RGCC: variants seen among roughly 807,000 people sequenced by gnomAD.
RGCC encodes regulator of cell cycle RGCC.
RGCC carries 15 observed loss-of-function variants against 15.4 expected under a neutral mutation model. The ratio of observed to expected loss-of-function variants is 0.97; its 90% CI spans 0.65 to 1.50. RGCC has a LOEUF of 1.50. Ranked by LOEUF, RGCC falls within the 40% of genes most tolerant of loss-of-function variation. The probability of loss-of-function intolerance (pLI) is 0.00; values close to 1 mark genes in which losing one functional copy is unlikely to be tolerated. For missense variants in RGCC, 176 were observed against 189.7 expected (o/e 0.93, Z 0.42); for synonymous variants, 81 against 78.0 (o/e 1.04, Z -0.20).
intron 2 of RGCC, among the ~76,000 whole-genome samples, chr13:41,464,759 A>G (rs2043839327): frequency 6.6e-6 from 1 of 152,150 alleles, no homozygotes. Context: ...TATCAGGTCC[A>G]GGATTTTGGA....
chr13:41,469,947 G>T (rs1441259686), intron 4 of RGCC, among the ~76,000 whole-genome samples: 1 of 152,186 alleles, frequency 6.6e-6, no homozygotes, highest in Non-Finnish European at 1.5e-5. Context: ...GGGGGGTCCT[G>T]TTTAGTCACA....
chr13:41,469,295 TAAGAAGAAGAAG>T (rs370476569), intron 4 of RGCC, among the ~76,000 whole-genome samples: 2,232 of 86,650 alleles, frequency 0.026, 38 homozygotes, highest in East Asian at 0.058. Context: ...ATAATAATAA[TAAGAAGAAGAAG>T]AAGAAGAAGA....
chr13:41,466,170 C>A (rs966464149), intron 2 of RGCC, among the ~76,000 whole-genome samples: 7 of 118,326 alleles, frequency 5.9e-5, no homozygotes, highest in Admixed American at 1.7e-4. Context: ...CACACTCTCA[C>A]ACACTTTCTC....
intron 4 of RGCC, 93 bp downstream of exon 4, chr13:41,468,931 C>A: frequency 1.0e-6 from 1 of 960,300 alleles, no homozygotes; most frequent in Non-Finnish European, 1.6e-6. Flanking sequence ...TGCCCTGGGG[C>A]AGAAAGTTTC....
At chr13:41,459,638 A>G (rs902183264) in intron 2 of RGCC, among the ~76,000 whole-genome samples, 1 of 152,238 alleles carries the variant, frequency 6.6e-6, no homozygotes, top group Admixed American at 6.5e-5. Flanking sequence ...ACCAAGCTGC[A>G]GCTTTTGAGG....
chr13:41,459,701 T>G (rs1029042738), intron 2 of RGCC, among the ~76,000 whole-genome samples: 1 of 152,258 alleles, frequency 6.6e-6, no homozygotes, highest in African/African-American at 2.4e-5. Context: ...ATTTTTGGAC[T>G]TTGTTCTTAA....
At chr13:41,465,949 C>T (rs1001372324) in intron 2 of RGCC, among the ~76,000 whole-genome samples, 9 of 151,974 alleles carry the variant, frequency 5.9e-5, no homozygotes, top group African/African-American at 2.2e-4. Flanking sequence ...ATTCCTTTTG[C>T]CTAAAATCCT....
At chr13:41,462,242 CT>C (rs779335694) in intron 2 of RGCC, among the ~76,000 whole-genome samples, 14 of 152,134 alleles carry the variant, frequency 9.2e-5, no homozygotes, top group Non-Finnish European at 1.3e-4. Flanking sequence ...TTACTTCCCC[CT>C]GGAGCAGCAC....
In RGCC at chr13:41,457,655, T is replaced by G; in HGVS notation, c.-53T>G. ...CAGCAAGCCCCCGAATAGCCCCGGCTGCCACCTCGCAGGACCCAAGGCCAC... is the reference window on the plus strand; with the variant it reads ...CAGCAAGCCCCCGAATAGCCCCGGCGGCCACCTCGCAGGACCCAAGGCCAC... On this transcript the variant is annotated 5_prime_UTR_variant, in exon 1 of 5. Transcript: ENST00000379359. The surrounding 1 kb of genome is among the most constrained non-coding windows in gnomAD (Gnocchi z 4.9). The G allele has an allele frequency of 6.7e-7, 1 of 1,502,836 alleles. No individual in the cohort carries two copies. The highest frequency in any genetic ancestry group is 2.9e-5 in the East Asian group (1 of 34,306). 93.1% of individuals were successfully genotyped at this position (1,502,836 alleles called of 1,614,324 possible).
In RGCC at chr13:41,457,862, C is replaced by T. The variant is rs995205212; in HGVS notation, c.49+106C>T. 13 of 1,329,872 alleles carry T rather than the reference C, an allele frequency of 9.8e-6. No individual in the cohort carries two copies. The African/African-American group carries it at 1.4e-4, about 14-fold the overall frequency. 82.4% of individuals were successfully genotyped at this position (1,329,872 alleles called of 1,614,324 possible). ...TTCACACCCCCCACCCTTCCATCCT[C>T]CCCGGCGGGAACCTGTCCCCGGTCT... is the stretch of plus-strand genomic sequence containing the variant. On this transcript the variant is annotated intron_variant, in intron 1 of 4. Coordinates refer to ENST00000379359, the MANE Select transcript of RGCC (RefSeq NM_014059.3). The surrounding 1 kb of genome is among the most constrained non-coding windows in gnomAD (Gnocchi z 4.9).
chr13:41,461,270 G>A (rs2043819921), intron 2 of RGCC, among the ~76,000 whole-genome samples: 1 of 152,140 alleles, frequency 6.6e-6, no homozygotes, highest in Non-Finnish European at 1.5e-5. Context: ...TAGTGGGAGT[G>A]ATTTTAACTT....
At position 41,466,926 on chromosome 13, in the gene RGCC, G is replaced by A; in HGVS notation, c.339G>A (p.Gln113=). The part of the protein sequence containing the change: ...PALLSATVTP[Q]KAKLGDTKEL... The stretch of plus-strand genomic sequence containing the variant: ...TTCTCTCTGCCACTGTCACTCCTCA[G>A]AAAGGTAAGGTCATTAGTTGGAATT... Residue 113 remains glutamine, a synonymous_variant, in exon 3 of 5, where the codon CAG becomes CAA. Transcript: ENST00000379359. The A allele has an allele frequency of 6.2e-7, 1 of 1,608,816 alleles. No individual in the cohort carries two copies. Among genetic ancestry groups the A allele is most frequent in the Non-Finnish European group, 8.5e-7 (1 of 1,175,244 alleles).
rs554173153 is a variant in RGCC, at chr13:41,457,715, C to A, written c.8C>A (p.Pro3Gln). Residue 3 changes from proline (P) to glutamine (Q), a missense_variant, in exon 1 of 5, where the codon CCG becomes CAG. Physicochemically the swap from Pro to Gln is moderately conservative, Grantham distance 76. Transcript: ENST00000379359. This position sits in a 1 kb window ranked among gnomAD's most constrained non-coding sequence, Gnocchi z 4.9. MK[P>Q]PAAQGSPAAA... ...GCCCAGCTGAGCCGCCTCATGAAGC[C>A]GCCCGCGGCGCAGGGCAGCCCCGCG... 2.0e-6 allele frequency: 3 copies of A among 1,477,400 alleles called. No homozygotes were observed. Among genetic ancestry groups the A allele is most frequent in the Admixed American group, 2.5e-5 (1 of 39,872 alleles). The allele number at this position is 1,477,400 out of a possible 1,614,324, so 91.5% of individuals were successfully genotyped here. A position where few individuals can be genotyped will look rare whatever the true frequency, so the allele number is the denominator to read the frequency against.
rs1426737106 is a variant in RGCC, at chr13:41,458,961, C to T, written c.235+491C>T. On this transcript the variant is annotated intron_variant, in intron 2 of 4. Coordinates refer to ENST00000379359, the MANE Select transcript of RGCC (RefSeq NM_014059.3). The surrounding 1 kb of genome is among the most constrained non-coding windows in gnomAD (Gnocchi z 4.4). Reference sequence around the variant, plus strand: ...ATGAAATAACTGCTTGCATTGTCTTCTGGCCCTTAGCTCTCAGACTTGTTG... The same window carrying T: ...ATGAAATAACTGCTTGCATTGTCTTTTGGCCCTTAGCTCTCAGACTTGTTG... Among the ~76,000 whole-genome samples the T allele has an allele frequency of 6.6e-6, 1 of 152,184 alleles. No homozygotes were observed. Among genetic ancestry groups the T allele is most frequent in the Non-Finnish European group, 1.5e-5 (1 of 68,022 alleles).
At chr13:41,459,659 T>C (rs1271611565) in intron 2 of RGCC, among the ~76,000 whole-genome samples, 5 of 152,252 alleles carry the variant, frequency 3.3e-5, no homozygotes, top group Non-Finnish European at 7.3e-5. Flanking sequence ...TGAAAGGGGA[T>C]GGAAGAAAGT....
intron 3 of RGCC, among the ~76,000 whole-genome samples, chr13:41,467,957 C>T (rs1435379458): frequency 2.0e-5 from 3 of 152,178 alleles, no homozygotes; most frequent in Non-Finnish European, 4.4e-5. Flanking sequence ...TTGTAGCCAG[C>T]AGGTGTTAAT....
At chr13:41,464,704 C>T (rs963772209) in intron 2 of RGCC, among the ~76,000 whole-genome samples, 2 of 152,274 alleles carry the variant, frequency 1.3e-5, no homozygotes, top group Middle Eastern at 3.4e-3. Context: ...ACACAGCCCT[C>T]GGAGGACCAG....
At chr13:41,461,666 G>A (rs1274219895) in intron 2 of RGCC, among the ~76,000 whole-genome samples, 1 of 152,200 alleles carries the variant, frequency 6.6e-6, no homozygotes, top group Non-Finnish European at 1.5e-5. Flanking sequence ...TTATGATATT[G>A]TAGGACCATT....
At chr13:41,466,713 A>C (rs1406329235) in intron 2 of RGCC, 110 bp from the exon 3 acceptor site, 2 of 765,102 alleles carry the variant, frequency 2.6e-6, no homozygotes, top group Non-Finnish European at 4.4e-6. Flanking sequence ...ATAGAGTTGC[A>C]GCTTTGGCTT....
Sources: allele counts gnomAD v4.1 joint callset (sites outside exome capture counted in the v4.1 genomes callset), GRCh38; gene constraint gnomAD v4.1.1; non-coding constraint Gnocchi (gnomAD v3.1); transcripts MANE v1.5; gene names NCBI Gene and HGNC (gene_info 2026-07-23, HGNC 2026-07-21).